Variants in SMYD3 observed in about 807,000 individuals in gnomAD.
SMYD3 encodes histone-lysine N-methyltransferase SMYD3.
A neutral mutation model predicts 57.7 loss-of-function variants in SMYD3; 36 were observed. That is an observed-to-expected ratio of 0.62 (90% CI 0.48 to 0.82). The LOEUF is 0.82. Ranked by LOEUF, SMYD3 falls within the 40% of genes least tolerant of loss-of-function variation. The probability of loss-of-function intolerance (pLI) is 0.00; values close to 1 mark genes in which losing one functional copy is unlikely to be tolerated. For missense variants in SMYD3, 515 were observed against 538.8 expected (o/e 0.96, Z 0.44); for synonymous variants, 211 against 195.0 (o/e 1.08, Z -0.68).
chr1:246,385,952 G>C (rs1008082633), intron 1 of SMYD3, among the ~76,000 whole-genome samples: 1 of 151,706 alleles, frequency 6.6e-6, no homozygotes, highest in African/African-American at 2.4e-5. Flanking sequence ...GCAGTGGCAC[G>C]ATCTCGGCTC....
chr1:246,227,341 T>G (rs369889055), intron 5 of SMYD3, among the ~76,000 whole-genome samples: 59 of 152,202 alleles, frequency 3.9e-4, no homozygotes, highest in African/African-American at 1.3e-3. Context: ...TTTGGCCGGG[T>G]GCGGCGGCTC....
At chr1:245,791,989 C>T (rs111460945) in intron 10 of SMYD3, among the ~76,000 whole-genome samples, 177 of 104,588 alleles carry the variant, frequency 1.7e-3, no homozygotes, top group African/African-American at 4.8e-3. Flanking sequence ...TGTGTGTAAG[C>T]GGTATACGTA....
intron 5 of SMYD3, among the ~76,000 whole-genome samples, chr1:246,259,247 T>C (rs148062103): frequency 1.6e-4 from 25 of 152,326 alleles, no homozygotes; most frequent in African/African-American, 5.8e-4. Flanking sequence ...TCTGGAAAGC[T>C]TGTGCAATCC....
chr1:246,013,082 T>C (rs6696426), intron 5 of SMYD3, among the ~76,000 whole-genome samples: 2,785 of 152,306 alleles, frequency 0.018, 45 homozygotes, highest in African/African-American at 0.043. Context: ...CCACGTTTCC[T>C]AGGGTTTTTG....
At chr1:246,225,321 CAAA>C (rs60915002) in intron 5 of SMYD3, among the ~76,000 whole-genome samples, 6 of 76,298 alleles carry the variant, frequency 7.9e-5, no homozygotes, top group African/African-American at 1.4e-4. Flanking sequence ...GCTGAAAAGT[CAAA>C]AAAAAAAAAA....
At chr1:246,077,960 TA>T (rs1225393398) in intron 5 of SMYD3, among the ~76,000 whole-genome samples, 1 of 152,072 alleles carries the variant, frequency 6.6e-6, no homozygotes. Context: ...TTAGCTCAAA[TA>T]AAAATATATT....
intron 1 of SMYD3, among the ~76,000 whole-genome samples, chr1:246,429,692 C>T (rs1208179180): frequency 6.6e-6 from 1 of 152,238 alleles, no homozygotes; most frequent in Non-Finnish European, 1.5e-5. Context: ...AATCAAACAC[C>T]ATGTCAGACA....
intron 1 of SMYD3, among the ~76,000 whole-genome samples, chr1:246,397,420 CT>C (rs576419508): frequency 3.7e-4 from 56 of 152,254 alleles, no homozygotes; most frequent in African/African-American, 1.3e-3. Flanking sequence ...CTGTGACCTT[CT>C]TAACTATTTC....
intron 1 of SMYD3, among the ~76,000 whole-genome samples, chr1:246,378,732 T>TAATTATATATAATATAA (rs1553339993): frequency 1.9e-5 from 2 of 103,320 alleles, no homozygotes; most frequent in Non-Finnish European, 3.6e-5. Context: ...ATATTATATA[T>TAATTATATATAATATAA]TATATATAAT....
chr1:246,503,424 C>G (rs1367187872), intron 1 of SMYD3, among the ~76,000 whole-genome samples: 2 of 152,130 alleles, frequency 1.3e-5, no homozygotes, highest in Admixed American at 1.3e-4. Context: ...TTCAAGTTCC[C>G]CAAAATATTA....
At chr1:246,143,126 T>TACACACACACACACACACAC (rs370332515) in intron 5 of SMYD3, among the ~76,000 whole-genome samples, 3 of 146,006 alleles carry the variant, frequency 2.1e-5, no homozygotes, top group African/African-American at 7.6e-5. Flanking sequence ...GTATATTTAA[T>TACACACACACACACACACAC]ACACACACAC....
chr1:246,127,648 C>T (rs2061528203), intron 5 of SMYD3, among the ~76,000 whole-genome samples: 1 of 152,074 alleles, frequency 6.6e-6, no homozygotes, highest in Admixed American at 6.5e-5. Context: ...GTAATCTCAG[C>T]ACTTTGCGGG....
chr1:245,969,386 A>C (rs1056748352), intron 5 of SMYD3, among the ~76,000 whole-genome samples: 4 of 152,242 alleles, frequency 2.6e-5, no homozygotes, highest in African/African-American at 9.6e-5. Flanking sequence ...TTGAGGCCTT[A>C]GCCAAGACTT....
At chr1:246,480,006 C>T (rs1254859311) in intron 1 of SMYD3, among the ~76,000 whole-genome samples, 1 of 152,154 alleles carries the variant, frequency 6.6e-6, no homozygotes, top group Non-Finnish European at 1.5e-5. Flanking sequence ...ACTACTCCCC[C>T]GACCCTTGTT....
intron 5 of SMYD3, among the ~76,000 whole-genome samples, chr1:246,311,946 G>C (rs572735187): frequency 1.3e-5 from 2 of 152,282 alleles, no homozygotes; most frequent in East Asian, 3.9e-4. Context: ...ATGGGAAGGA[G>C]CTAAAACGTA....
chr1:246,290,195 G>A (rs1472978381), intron 5 of SMYD3, among the ~76,000 whole-genome samples: 1 of 152,092 alleles, frequency 6.6e-6, no homozygotes, highest in African/African-American at 2.4e-5. Context: ...TGGAGAAAAG[G>A]GAACTAAACC....
intron 10 of SMYD3, among the ~76,000 whole-genome samples, chr1:245,823,161 A>G (rs1369652452): frequency 1.3e-5 from 2 of 152,218 alleles, no homozygotes; most frequent in Non-Finnish European, 2.9e-5. Context: ...TGGATAAAAA[A>G]GTACAAAAGG....
chr1:246,410,616 A>G (rs2066949376), intron 1 of SMYD3, among the ~76,000 whole-genome samples: 1 of 152,146 alleles, frequency 6.6e-6, no homozygotes, highest in Non-Finnish European at 1.5e-5. Flanking sequence ...CATCAAGGAT[A>G]TTGGGTAAAA....
At chr1:246,010,247 T>C (rs1269902876) in intron 5 of SMYD3, among the ~76,000 whole-genome samples, 1 of 152,028 alleles carries the variant, frequency 6.6e-6, no homozygotes, top group Non-Finnish European at 1.5e-5. Flanking sequence ...GCTCTGTCTA[T>C]TGGGGCAACA....
Sources: gnomAD v4.1 joint callset for allele counts (sites outside exome capture counted in the v4.1 genomes callset) on GRCh38, gnomAD v4.1.1 for gene constraint, MANE v1.5 for transcripts, NCBI Gene and HGNC (gene_info 2026-07-23, HGNC 2026-07-21) for gene names.